PARD3B: variants seen among roughly 807,000 people sequenced by gnomAD.
PARD3B encodes the protein par-3 family cell polarity regulator beta, also known as partitioning defective 3 homolog B.
Under a neutral mutation model 130.2 loss-of-function variants are expected in PARD3B, and 103 were observed. The ratio of observed to expected loss-of-function variants is 0.79; its 90% CI spans 0.67 to 0.93. The LOEUF (loss-of-function observed/expected upper bound fraction) is 0.93. Among genes scored for constraint, PARD3B ranks in the 40% least tolerant of loss-of-function variants. The pLI is 0.00. For missense variants in PARD3B, 1,609 were observed against 1,499.2 expected, an observed-to-expected ratio of 1.07 and a Z score of -1.21; for synonymous variants, 583 against 553.2, an observed-to-expected ratio of 1.05 and a Z score of -0.76.
rs1370543996 is a variant in PARD3B, at chr2:205,288,710, C to T, written c.2186-11820C>T. Among the ~76,000 whole-genome samples, 2 of 152,160 alleles carry T rather than the reference C, an allele frequency of 1.3e-5. No individual in the cohort carries two copies. The highest frequency in any genetic ancestry group is 2.9e-5 in the Non-Finnish European group (2 of 68,036). Reference sequence around the variant, plus strand: ...CCCGGTGTCCCCACCCCCCAGGAGACGTGTTTGGACTTTTCCTCATGCCTT... The same window carrying T: ...CCCGGTGTCCCCACCCCCCAGGAGATGTGTTTGGACTTTTCCTCATGCCTT... On this transcript the variant is annotated intron_variant, in intron 16 of 22. Coordinates refer to ENST00000406610, the MANE Select transcript of PARD3B (RefSeq NM_001302769.2). This position sits in a 1 kb window ranked among gnomAD's most constrained non-coding sequence, Gnocchi z 4.0.
intron 2 of PARD3B, among the ~76,000 whole-genome samples, chr2:204,902,595 G>A (rs1421832844): frequency 4.0e-5 from 6 of 151,078 alleles, no homozygotes; most frequent in Non-Finnish European, 7.4e-5. Flanking sequence ...CGTGAACCCG[G>A]GAGGCGGAGC....
intron 18 of PARD3B, among the ~76,000 whole-genome samples, chr2:205,359,762 T>C (rs909292714): frequency 4.6e-5 from 7 of 152,160 alleles, no homozygotes; most frequent in Non-Finnish European, 1.5e-5. Context: ...TATTATATAG[T>C]ATGTATATGG....
At chr2:204,803,341 A>C (rs1248182580) in intron 2 of PARD3B, among the ~76,000 whole-genome samples, 1 of 152,030 alleles carries the variant, frequency 6.6e-6, no homozygotes, top group Non-Finnish European at 1.5e-5. Context: ...AAATCATCTG[A>C]AGATACAAAC....
chr2:204,897,761 A>G (rs1211502894), intron 2 of PARD3B, among the ~76,000 whole-genome samples: 1 of 152,120 alleles, frequency 6.6e-6, no homozygotes, highest in Non-Finnish European at 1.5e-5. Flanking sequence ...ACAAGCCACA[A>G]AGCAAGCAAG....
intron 3 of PARD3B, among the ~76,000 whole-genome samples, chr2:205,042,994 C>T (rs886783421): frequency 1.3e-5 from 2 of 151,612 alleles, no homozygotes; most frequent in African/African-American, 4.8e-5. Context: ...TTCTAAGGAA[C>T]ATTGTTGTTC....
intron 10 of PARD3B, among the ~76,000 whole-genome samples, chr2:205,126,188 A>C: frequency 6.6e-6 from 1 of 152,192 alleles, no homozygotes; most frequent in Non-Finnish European, 1.5e-5. Flanking sequence ...ACATAGAACA[A>C]GGGTATTTAA....
chr2:205,176,154 A>C lies in PARD3B; in HGVS notation c.1792-291A>C, dbSNP rs2125760968. 6.6e-6 allele frequency among the ~76,000 whole-genome samples: 1 copy of C among 152,316 alleles called. No homozygotes were observed. Among genetic ancestry groups the C allele is most frequent in the Non-Finnish European group, 1.5e-5 (1 of 68,016 alleles). Reference sequence around the variant, plus strand: ...ACAAGCTGTATTCCCCAGATGGAAGAAAATTTGAAAGAAGCCAGTTATAAG... The same window carrying C: ...ACAAGCTGTATTCCCCAGATGGAAGCAAATTTGAAAGAAGCCAGTTATAAG... On this transcript the variant is annotated intron_variant, in intron 12 of 22. Coordinates refer to ENST00000406610, the MANE Select transcript of PARD3B (RefSeq NM_001302769.2). The surrounding 1 kb of genome is among the most constrained non-coding windows in gnomAD (Gnocchi z 5.3).
rs2043261715 is a variant in PARD3B, at chr2:204,819,523, T to G, written c.222+133241T>G. On this transcript the variant is annotated intron_variant, in intron 2 of 22. Transcript: ENST00000406610. The stretch of plus-strand genomic sequence containing the variant: ...ACAATGATAATATACTTAGGCCAAT[T>G]GATGACTCTACAAGAATGTCTATGT... 2.0e-5 allele frequency among the ~76,000 whole-genome samples: 3 copies of G among 152,310 alleles called. No homozygotes were observed. In the East Asian group the frequency reaches 5.8e-4, roughly 29 times the overall value.
Position 205,015,226 on chromosome 2 carries a change from G to A in PARD3B, c.395-32355G>A, listed in dbSNP as rs1696043555. On this transcript the variant is annotated intron_variant, in intron 3 of 22. Coordinates refer to ENST00000406610, the MANE Select transcript of PARD3B (RefSeq NM_001302769.2). This position sits in a 1 kb window ranked among gnomAD's most constrained non-coding sequence, Gnocchi z 4.5. ...CTAGAGGAAAGAAAAAATTATCAAGGAAATCATAAGGAAGACAAAATATAT... is the reference window on the plus strand; with the variant it reads ...CTAGAGGAAAGAAAAAATTATCAAGAAAATCATAAGGAAGACAAAATATAT... Among the ~76,000 whole-genome samples the A allele has an allele frequency of 6.6e-6, 1 of 152,042 alleles. No individual in the cohort carries two copies. The highest frequency in any genetic ancestry group is 1.5e-5 in the Non-Finnish European group (1 of 68,012).
chr2:204,919,235 C>T (rs2047571393), intron 2 of PARD3B, among the ~76,000 whole-genome samples: 1 of 152,086 alleles, frequency 6.6e-6, no homozygotes, highest in African/African-American at 2.4e-5. Flanking sequence ...GCAAGAGTTT[C>T]ATATTATTTA....
intron 4 of PARD3B, 180 bp downstream of exon 4, chr2:205,047,870 G>A (rs1464789386): frequency 4.2e-6 from 2 of 472,040 alleles, no homozygotes; most frequent in Middle Eastern, 5.6e-4. Context: ...TATAGCGATA[G>A]CTATTACGTA....
At chr2:205,518,620 T>C (rs1384230705) in intron 21 of PARD3B, among the ~76,000 whole-genome samples, 1 of 152,194 alleles carries the variant, frequency 6.6e-6, no homozygotes, top group East Asian at 1.9e-4. Flanking sequence ...GATCCTGTCA[T>C]CATGTTTTAG....
intron 14 of PARD3B, among the ~76,000 whole-genome samples, chr2:205,192,513 C>T (rs968783574): frequency 6.6e-6 from 1 of 152,104 alleles, no homozygotes; most frequent in African/African-American, 2.4e-5. Flanking sequence ...ATGTAATACC[C>T]TCTATCCTCA....
chr2:204,837,107 C>A (rs1266262001), intron 2 of PARD3B, among the ~76,000 whole-genome samples: 1 of 151,964 alleles, frequency 6.6e-6, no homozygotes, highest in African/African-American at 2.4e-5. Flanking sequence ...ATGATTGGAC[C>A]CCCTGATGTG....
intron 2 of PARD3B, among the ~76,000 whole-genome samples, chr2:204,852,898 A>C (rs1269488633): frequency 6.6e-6 from 1 of 152,162 alleles, no homozygotes; most frequent in African/African-American, 2.4e-5. Flanking sequence ...TGTCTTGATA[A>C]TAAAAAGTTA....
At chr2:204,598,460 C>G (rs966088513) in intron 1 of PARD3B, among the ~76,000 whole-genome samples, 12 of 151,978 alleles carry the variant, frequency 7.9e-5, no homozygotes, top group African/African-American at 2.9e-4. Context: ...TAACTTTGGG[C>G]AGGATATTTA....
intron 2 of PARD3B, among the ~76,000 whole-genome samples, chr2:204,918,281 T>C (rs1228783577): frequency 6.6e-6 from 1 of 152,226 alleles, no homozygotes; most frequent in Non-Finnish European, 1.5e-5. Flanking sequence ...CTTGATAGTG[T>C]TCTTTCCTAA....
At chr2:205,045,739 C>T (rs1698729801) in intron 3 of PARD3B, among the ~76,000 whole-genome samples, 1 of 151,890 alleles carries the variant, frequency 6.6e-6, no homozygotes, top group Admixed American at 6.6e-5. Context: ...CTCTCTCACA[C>T]ACGCACACAT....
chr2:205,131,236 AATG>A (rs1184804367), intron 10 of PARD3B, among the ~76,000 whole-genome samples: 1 of 152,320 alleles, frequency 6.6e-6, no homozygotes, highest in Non-Finnish European at 1.5e-5. Flanking sequence ...ATAATTTCAA[AATG>A]ATTTTTCTAC....
Sources: gnomAD v4.1 joint callset for allele counts (sites outside exome capture counted in the v4.1 genomes callset) on GRCh38, gnomAD v4.1.1 for gene constraint, Gnocchi (gnomAD v3.1) non-coding constraint, MANE v1.5 for transcripts, NCBI Gene and HGNC (gene_info 2026-07-23, HGNC 2026-07-21) for gene names.